ZSWIM5: variants seen among roughly 807,000 people sequenced by gnomAD.
ZSWIM5 encodes zinc finger SWIM domain-containing protein 5.
A neutral mutation model predicts 119.6 loss-of-function variants in ZSWIM5; 55 were observed. The observed-to-expected ratio is 0.46, with a 90% confidence interval of 0.37 to 0.58. The LOEUF is 0.58. ZSWIM5 is among the 20% of genes least tolerant of loss of function. The probability of loss-of-function intolerance (pLI) is 0.00; values close to 1 mark genes in which losing one functional copy is unlikely to be tolerated. For missense variants in ZSWIM5, 1,193 were observed against 1,512.8 expected, an observed-to-expected ratio of 0.79 and a Z score of 3.51; for synonymous variants, 537 against 606.9, an observed-to-expected ratio of 0.88 and a Z score of 1.69.
chr1:45,056,677 G>C (rs377089264), intron 4 of ZSWIM5, among the ~76,000 whole-genome samples: 17 of 151,928 alleles, frequency 1.1e-4, no homozygotes, highest in African/African-American at 3.9e-4. Context: ...AGAGAAAAAA[G>C]TTAATAATGC....
At chr1:45,046,849 C>T (rs1645058181) in intron 5 of ZSWIM5, among the ~76,000 whole-genome samples, 1 of 151,668 alleles carries the variant, frequency 6.6e-6, no homozygotes, top group South Asian at 2.1e-4. Flanking sequence ...CATAGTGAAA[C>T]CCCATCTCTA....
intron 2 of ZSWIM5, among the ~76,000 whole-genome samples, chr1:45,078,738 G>T (rs951966438): frequency 6.6e-6 from 1 of 152,188 alleles, no homozygotes; most frequent in Admixed American, 6.5e-5. Flanking sequence ...AGCCAGCCAG[G>T]TCTGTGTCCT....
chr1:45,038,306 A>G (rs1195129974), intron 8 of ZSWIM5, among the ~76,000 whole-genome samples: 2 of 152,210 alleles, frequency 1.3e-5, no homozygotes, highest in Admixed American at 1.3e-4. Flanking sequence ...GTTCTTTCCC[A>G]CTTTCAGACT....
intron 4 of ZSWIM5, among the ~76,000 whole-genome samples, chr1:45,051,478 A>G (rs931055392): frequency 2.0e-5 from 3 of 152,200 alleles, no homozygotes; most frequent in Non-Finnish European, 2.9e-5. Context: ...TGTGATATAA[A>G]GACAGATTTA....
At chr1:45,162,451 G>A (rs556715406) in intron 1 of ZSWIM5, among the ~76,000 whole-genome samples, 23 of 152,334 alleles carry the variant, frequency 1.5e-4, no homozygotes, top group Admixed American at 4.6e-4. Flanking sequence ...CTGAGGTACC[G>A]GGTTCATTTC....
intron 2 of ZSWIM5, among the ~76,000 whole-genome samples, chr1:45,069,254 G>C (rs967443834): frequency 6.6e-6 from 1 of 151,796 alleles, no homozygotes; most frequent in African/African-American, 2.4e-5. Flanking sequence ...GTGACACCCC[G>C]TCTCTACTAA....
rs144444950 is a variant in ZSWIM5 at position 45,188,414 on chromosome 1, G to T, written c.595+17342C>A. Among the ~76,000 whole-genome samples the T allele has an allele frequency of 3.9e-3, 599 of 152,286 alleles. 3 individuals are homozygous for T. The highest frequency in any genetic ancestry group is 0.014 in the African/African-American group (576 of 41,546). ...AGCAAATCCATAGAGACAGAAAGTA[G>T]ACTGGTAATTGCTTAGGACTATATG... On this transcript the variant is annotated intron_variant, in intron 1 of 13. Coordinates refer to ENST00000359600, the MANE Select transcript of ZSWIM5 (RefSeq NM_020883.2).
chr1:45,103,066 C>T (rs1423402972), intron 1 of ZSWIM5, among the ~76,000 whole-genome samples: 1 of 151,994 alleles, frequency 6.6e-6, no homozygotes, highest in Admixed American at 6.6e-5. Flanking sequence ...ATGAGTCTTG[C>T]TATATTGCCT....
intron 2 of ZSWIM5, among the ~76,000 whole-genome samples, chr1:45,081,886 G>A (rs1044450887): frequency 2.0e-5 from 3 of 152,058 alleles, no homozygotes; most frequent in Admixed American, 1.3e-4. Flanking sequence ...GGAATAGAAA[G>A]GGGGGAAAGG....
chr1:45,018,881 C>T lies in ZSWIM5; in HGVS notation c.3131G>A (p.Trp1044Ter). ...CAGAGAGTGGCTGAGAGCACAAGCCCAGAGCACATCATTGATGGCTGGGTG... is the reference window on the plus strand; with the variant it reads ...CAGAGAGTGGCTGAGAGCACAAGCCTAGAGCACATCATTGATGGCTGGGTG... ...DTHPAINDVL[W>*]ACALSHSLGK... is the part of the protein sequence containing the mutation. Residue 1044 changes from tryptophan (W) to a stop codon, truncating the protein, a stop_gained, in exon 14 of 14, where the codon TGG becomes TAG. Transcript: ENST00000359600. LOFTEE classifies it high-confidence loss of function. The surrounding 1 kb of genome is among the most constrained non-coding windows in gnomAD (Gnocchi z 6.7). The T allele has an allele frequency of 6.2e-7, 1 of 1,614,180 alleles. No homozygotes were observed. Among genetic ancestry groups the T allele is most frequent in the African/African-American group, 1.3e-5 (1 of 75,064 alleles).
At chr1:45,181,419 A>T (rs1646017999) in intron 1 of ZSWIM5, among the ~76,000 whole-genome samples, 1 of 152,112 alleles carries the variant, frequency 6.6e-6, no homozygotes, top group South Asian at 2.1e-4. Flanking sequence ...AGCCTCCAAG[A>T]AATATGGGAC....
intron 1 of ZSWIM5, among the ~76,000 whole-genome samples, chr1:45,177,625 A>G (rs1456694730): frequency 6.6e-6 from 1 of 152,090 alleles, no homozygotes; most frequent in Non-Finnish European, 1.5e-5. Flanking sequence ...GGGGAGATTG[A>G]GCAATCAGTT....
At chr1:45,021,276 T>C (rs1387168574) in intron 11 of ZSWIM5, among the ~76,000 whole-genome samples, 1 of 152,150 alleles carries the variant, frequency 6.6e-6, no homozygotes, top group Non-Finnish European at 1.5e-5. Context: ...CCCTATGATC[T>C]ACTGCGCCGG....
At chr1:45,181,998 C>T (rs1325399451) in intron 1 of ZSWIM5, among the ~76,000 whole-genome samples, 2 of 152,102 alleles carry the variant, frequency 1.3e-5, no homozygotes, top group African/African-American at 4.8e-5. Context: ...TAAAGACCAT[C>T]GAGACTAGGA....
At chr1:45,130,788 T>A (rs1645651632) in intron 1 of ZSWIM5, among the ~76,000 whole-genome samples, 2 of 152,216 alleles carry the variant, frequency 1.3e-5, no homozygotes, top group South Asian at 4.1e-4. Context: ...GAAAGCAGCT[T>A]TATTCATAAT....
chr1:45,147,078 CT>C (rs796772982), intron 1 of ZSWIM5, among the ~76,000 whole-genome samples: 466 of 141,894 alleles, frequency 3.3e-3, no homozygotes, highest in East Asian at 4.3e-3. Flanking sequence ...GCATTATCAA[CT>C]TTTTTTTTTT....
At chr1:45,147,967 A>G (rs1645772627) in intron 1 of ZSWIM5, among the ~76,000 whole-genome samples, 1 of 152,210 alleles carries the variant, frequency 6.6e-6, no homozygotes, top group African/African-American at 2.4e-5. Context: ...AATAGACATA[A>G]AAGATAATGA....
intron 2 of ZSWIM5, among the ~76,000 whole-genome samples, chr1:45,078,589 G>T (rs1456660822): frequency 1.3e-5 from 2 of 152,158 alleles, no homozygotes; most frequent in East Asian, 3.8e-4. Flanking sequence ...GTACCCTTGT[G>T]GCCACCACCA....
chr1:45,087,898 T>C lies in ZSWIM5; in HGVS notation c.935A>G (p.Glu312Gly), dbSNP rs754577245. ...LADEILSSNS[E>G]INQVNGAPDP... Reference sequence around the variant, plus strand: ...ACAATTACCATTCACTTGGTTGATTTCTGAGTTGGAGGATAGAATCTCATC... The same window carrying C: ...ACAATTACCATTCACTTGGTTGATTCCTGAGTTGGAGGATAGAATCTCATC... The change falls in exon 2 of 14, where the codon GAA (glutamate) becomes GGA (glycine). Residue 312 changes from glutamate to glycine, a missense_variant. Glu to Gly is a moderately conservative substitution (Grantham distance 98). This residue lies in a region of ZSWIM5 where 961 missense variants were observed against 1,290.0 expected (regional missense o/e 0.74). Coordinates refer to ENST00000359600, the MANE Select transcript of ZSWIM5 (RefSeq NM_020883.2). The C allele has an allele frequency of 1.2e-5, 20 of 1,605,384 alleles. No individual in the cohort carries two copies. The highest frequency in any genetic ancestry group is 1.2e-5 in the Non-Finnish European group (14 of 1,175,620).
Sources: gnomAD v4.1 joint callset for allele counts (sites outside exome capture counted in the v4.1 genomes callset) on GRCh38, gnomAD v4.1.1 for gene constraint, gnomAD v4.1.1 regional missense constraint, Gnocchi (gnomAD v3.1) non-coding constraint, MANE v1.5 for transcripts, NCBI Gene and HGNC (gene_info 2026-07-23, HGNC 2026-07-21) for gene names.